Variants in LRRC8D observed in about 807,000 individuals in gnomAD.
LRRC8D encodes the protein leucine rich repeat containing 8 VRAC subunit D, also known as volume-regulated anion channel subunit LRRC8D.
Under a neutral mutation model 55.8 loss-of-function variants are expected in LRRC8D, and 20 were observed. The ratio of observed to expected loss-of-function variants is 0.36; its 90% CI spans 0.25 to 0.52. The LOEUF (loss-of-function observed/expected upper bound fraction) is 0.52. LRRC8D is among the 20% of genes least tolerant of loss of function. The probability of loss-of-function intolerance (pLI) is 0.93; values close to 1 mark genes in which losing one functional copy is unlikely to be tolerated. For synonymous variants in LRRC8D, 352 were observed against 377.0 expected, an observed-to-expected ratio of 0.93 and a Z score of 0.77; for missense variants, 651 against 1,030.8, an observed-to-expected ratio of 0.63 and a Z score of 5.05.
In LRRC8D at chr1:89,911,098, CG is replaced by C. The variant is rs1231087410; in HGVS notation, c.-2-21966del. On this transcript the variant is annotated intron_variant, in intron 2 of 2. Coordinates refer to ENST00000337338, the MANE Select transcript of LRRC8D (RefSeq NM_001134479.2). This position sits in a 1 kb window ranked among gnomAD's most constrained non-coding sequence, Gnocchi z 4.0. ...GCTTGACCTTCCCAGGGAGTTTCAG[CG>C]GGTGAGAAAGCCTGACACTGCTTGG... Among the ~76,000 whole-genome samples, 1 of 151,890 alleles carries C rather than the reference CG, an allele frequency of 6.6e-6. No individual in the cohort carries two copies. Among genetic ancestry groups the C allele is most frequent in the African/African-American group, 2.4e-5 (1 of 41,316 alleles).
chr1:89,934,518 G>A lies in LRRC8D; in HGVS notation c.1450G>A (p.Asp484Asn), dbSNP rs774092326. 13 of 1,614,158 alleles carry A rather than the reference G, an allele frequency of 8.1e-6. No homozygotes were observed. Among genetic ancestry groups the A allele is most frequent in the South Asian group, 1.1e-5 (1 of 91,076 alleles). Residue 484 changes from aspartate (D) to asparagine (N), a missense_variant, in exon 3 of 3, where the codon GAT (aspartate) becomes AAT (asparagine). Coordinates refer to ENST00000337338, the MANE Select transcript of LRRC8D (RefSeq NM_001134479.2). This position sits in a 1 kb window ranked among gnomAD's most constrained non-coding sequence, Gnocchi z 5.9. ...TCTGTTCATGCTGTCGGGGGTGCCCGATGCTGTCTTTGACCTCACAGACCT... is the reference window on the plus strand; with the variant it reads ...TCTGTTCATGCTGTCGGGGGTGCCCAATGCTGTCTTTGACCTCACAGACCT... ...LHLFMLSGVP[D>N]AVFDLTDLDV...
chr1:89,864,590 C>G (rs1176451026), intron 2 of LRRC8D, among the ~76,000 whole-genome samples: 1 of 152,144 alleles, frequency 6.6e-6, no homozygotes, highest in African/African-American at 2.4e-5. Flanking sequence ...CATGTTTTGC[C>G]TGGACTGCTG....
chr1:89,822,193 C>T (rs758464261), intron 1 of LRRC8D: 1 of 152,782 alleles, frequency 6.5e-6, no homozygotes, highest in Non-Finnish European at 1.5e-5. Flanking sequence ...GAGGTAGGTC[C>T]TTGCTGGAGA....
At chr1:89,827,567 A>G (rs890495756) in intron 1 of LRRC8D, among the ~76,000 whole-genome samples, 5 of 152,154 alleles carry the variant, frequency 3.3e-5, no homozygotes, top group Non-Finnish European at 7.4e-5. Flanking sequence ...CTTTGATAAA[A>G]ATATTAAGAT....
In LRRC8D at chr1:89,843,520, G is replaced by A. The variant is rs150448650; in HGVS notation, c.-147-118G>A. 7.7e-3 allele frequency: 4,867 copies of A among 629,800 alleles called. 38 individuals are homozygous for A. The highest frequency in any genetic ancestry group is 0.011 in the Non-Finnish European group (3,855 of 341,510). The allele number at this position is 629,800 out of a possible 1,614,324, so 39.0% of individuals were successfully genotyped here. On this transcript the variant is annotated intron_variant, in intron 1 of 2. Transcript: ENST00000337338. ...CAGGGGAGCGCTGGGTGCCCACCAT[G>A]GCAGTTATGCAAGCGGTGACCCCCT...
intron 2 of LRRC8D, among the ~76,000 whole-genome samples, chr1:89,893,841 C>A (rs968161708): frequency 6.6e-6 from 1 of 152,064 alleles, no homozygotes; most frequent in Non-Finnish European, 1.5e-5. Context: ...AATTTAATTA[C>A]CATTTTAATT....
At chr1:89,899,803 T>C (rs184745454) in intron 2 of LRRC8D, among the ~76,000 whole-genome samples, 1 of 152,346 alleles carries the variant, frequency 6.6e-6, no homozygotes, top group Admixed American at 6.5e-5. Context: ...GTCCTGGGGA[T>C]CCTTTGAAAC....
intron 2 of LRRC8D, among the ~76,000 whole-genome samples, chr1:89,875,685 G>A (rs1011538206): frequency 6.6e-6 from 1 of 151,900 alleles, no homozygotes; most frequent in Non-Finnish European, 1.5e-5. Flanking sequence ...ACACATAGAA[G>A]GTGCTTATTA....
chr1:89,832,861 A>G (rs1202716171), intron 1 of LRRC8D, among the ~76,000 whole-genome samples: 3 of 152,386 alleles, frequency 2.0e-5, no homozygotes, highest in African/African-American at 7.2e-5. Context: ...AGACTAGGAA[A>G]CACTTCACCA....
intron 2 of LRRC8D, among the ~76,000 whole-genome samples, chr1:89,918,134 C>T (rs574048633): frequency 6.6e-5 from 10 of 152,250 alleles, no homozygotes; most frequent in African/African-American, 1.9e-4. Flanking sequence ...TAAAATTGTC[C>T]GAATTTTTTG....
At chr1:89,928,947 A>G (rs1182815370) in intron 2 of LRRC8D, among the ~76,000 whole-genome samples, 2 of 152,178 alleles carry the variant, frequency 1.3e-5, no homozygotes, top group African/African-American at 2.4e-5. Context: ...GGTTAATAAA[A>G]TGCTCCTCTG....
chr1:89,896,812 TA>T (rs1435444039), intron 2 of LRRC8D, among the ~76,000 whole-genome samples: 1 of 152,232 alleles, frequency 6.6e-6, no homozygotes, highest in East Asian at 1.9e-4. Context: ...TAGTTGTTAA[TA>T]AACAAGCTAA....
intron 2 of LRRC8D, among the ~76,000 whole-genome samples, chr1:89,853,770 G>A (rs1025797814): frequency 6.6e-6 from 1 of 152,174 alleles, no homozygotes; most frequent in Non-Finnish European, 1.5e-5. Flanking sequence ...TGGGTAGTCA[G>A]AAGACCTCTA....
In LRRC8D at chr1:89,821,242, C is replaced by G. The variant is rs1261769059; in HGVS notation, c.-197C>G. On this transcript the variant is annotated 5_prime_UTR_variant, in exon 1 of 3. Transcript: ENST00000337338. ...CCGCCCGCCGCGGGTGATGCCGCCA[C>G]CTCCGGCCTCAGCATAAGCCGTGGC... is the stretch of plus-strand genomic sequence containing the variant. 1.3e-5 allele frequency: 2 copies of G among 152,608 alleles called. No individual in the cohort carries two copies. The highest frequency in any genetic ancestry group is 4.8e-5 in the African/African-American group (2 of 41,410). The allele number at this position is 152,608 out of a possible 1,614,324, so 9.5% of individuals were successfully genotyped here. A position where few individuals can be genotyped will look rare whatever the true frequency, so the allele number is the denominator to read the frequency against.
At chr1:89,918,102 G>A (rs1010648245) in intron 2 of LRRC8D, among the ~76,000 whole-genome samples, 1 of 152,192 alleles carries the variant, frequency 6.6e-6, no homozygotes, top group Admixed American at 6.5e-5. Flanking sequence ...AAGACTTAGA[G>A]TTAATGCTTA....
chr1:89,873,579 T>C (rs1436782099), intron 2 of LRRC8D, among the ~76,000 whole-genome samples: 1 of 152,186 alleles, frequency 6.6e-6, no homozygotes, highest in Non-Finnish European at 1.5e-5. Context: ...AATGGACACA[T>C]TAGAAGAGGG....
chr1:89,915,785 A>T (rs1663252065), intron 2 of LRRC8D, among the ~76,000 whole-genome samples: 1 of 152,256 alleles, frequency 6.6e-6, no homozygotes, highest in Non-Finnish European at 1.5e-5. Context: ...ACATTTGAGT[A>T]TGCAAAATAA....
chr1:89,830,002 T>C (rs1385065476), intron 1 of LRRC8D, among the ~76,000 whole-genome samples: 1 of 152,164 alleles, frequency 6.6e-6, no homozygotes, highest in Non-Finnish European at 1.5e-5. Flanking sequence ...ATGTCTTAGC[T>C]GAAAAAACTG....
At chr1:89,823,818 G>T (rs762552260) in intron 1 of LRRC8D, among the ~76,000 whole-genome samples, 3 of 152,210 alleles carry the variant, frequency 2.0e-5, no homozygotes, top group Non-Finnish European at 4.4e-5. Context: ...AGAATCCAGG[G>T]TGTGTGGAAC....
Sources: allele counts gnomAD v4.1 joint callset (sites outside exome capture counted in the v4.1 genomes callset), GRCh38; gene constraint gnomAD v4.1.1; non-coding constraint Gnocchi (gnomAD v3.1); transcripts MANE v1.5; gene names NCBI Gene and HGNC (gene_info 2026-07-23, HGNC 2026-07-21).